The following DCBLD1 variants were observed in gnomAD, a reference collection of about 807,000 sequenced individuals.
DCBLD1 encodes the protein discoidin, CUB and LCCL domain containing 1, also known as discoidin, CUB and LCCL domain-containing protein 1.
DCBLD1 carries 57 observed loss-of-function variants against 71.5 expected under a neutral mutation model. The ratio of observed to expected loss-of-function variants is 0.80; its 90% CI spans 0.64 to 0.99. DCBLD1 has a LOEUF of 0.99. DCBLD1 is among the 50% of genes least tolerant of loss of function. DCBLD1 has a pLI of 0.00. For synonymous variants in DCBLD1, 380 were observed against 363.8 expected (o/e 1.04, Z -0.51); for missense variants, 891 against 923.5 (o/e 0.96, Z 0.46).
intron 5 of DCBLD1, among the ~76,000 whole-genome samples, chr6:117,531,079 T>G (rs984474876): frequency 1.1e-4 from 16 of 152,214 alleles, no homozygotes; most frequent in African/African-American, 3.4e-4. Context: ...AAATTGAATA[T>G]CACAAAATTC....
downstream of DCBLD1, among the ~76,000 whole-genome samples, chr6:117,552,210 CTA>C (rs1345625619): frequency 6.6e-6 from 1 of 152,150 alleles, no homozygotes; most frequent in African/African-American, 2.4e-5. Context: ...ATCTTTGTAA[CTA>C]TGTGATTACA....
chr6:117,569,031 T>C (rs564315645), intron 14 of DCBLD1, among the ~76,000 whole-genome samples: 3 of 152,352 alleles, frequency 2.0e-5, no homozygotes, highest in African/African-American at 7.2e-5. Flanking sequence ...CTCCTGAGTA[T>C]GAATCTCAAT....
In DCBLD1 at chr6:117,503,791, C is replaced by T. The variant is rs550021601; in HGVS notation, c.137C>T (p.Thr46Ile). ...ELGDGCGHLV[T>I]YQDSGTMTSK... ...GGTGATGGCTGTGGACACCTAGTGA[C>T]TTATCAGGATAGTGGCACAATGACA... The change falls in exon 2 of 15, where the codon ACT becomes ATT. Residue 46 changes from threonine to isoleucine, a missense_variant. Thr to Ile is a moderately conservative substitution (Grantham distance 89). Transcript: ENST00000338728. 2 of 1,614,058 alleles carry T rather than the reference C, an allele frequency of 1.2e-6. No homozygotes were observed. Among genetic ancestry groups the T allele is most frequent in the African/African-American group, 1.3e-5 (1 of 75,022 alleles).
chr6:117,541,559 A>G (rs1055873238), intron 11 of DCBLD1, among the ~76,000 whole-genome samples: 5 of 152,238 alleles, frequency 3.3e-5, no homozygotes, highest in African/African-American at 1.2e-4. Flanking sequence ...ACTTTTGTAT[A>G]CGGTTTGCAT....
intron 1 of DCBLD1, 66 bp downstream of exon 1, chr6:117,482,959 G>GGC: frequency 3.1e-6 from 2 of 635,180 alleles, no homozygotes; most frequent in South Asian, 1.0e-4. Flanking sequence ...GGGCTGCGGG[G>GGC]CGGGCCGGGC....
intron 5 of DCBLD1, among the ~76,000 whole-genome samples, chr6:117,526,263 G>A (rs531930302): frequency 2.3e-4 from 35 of 152,054 alleles, no homozygotes; most frequent in African/African-American, 7.7e-4. Flanking sequence ...TTTGCCTTTC[G>A]TTCCCCTTTT....
intron 14 of DCBLD1, among the ~76,000 whole-genome samples, chr6:117,547,073 G>A (rs1779289962): frequency 6.6e-6 from 1 of 152,090 alleles, no homozygotes. Flanking sequence ...TGACTTCTAT[G>A]TGCATTTCTC....
intron 5 of DCBLD1, among the ~76,000 whole-genome samples, chr6:117,531,059 T>C (rs534029140): frequency 6.6e-6 from 1 of 152,304 alleles, no homozygotes; most frequent in South Asian, 2.1e-4. Context: ...TTGGGAAATA[T>C]GAACTCTCTA....
rs138240393 is a variant in DCBLD1 at position 117,548,148 on chromosome 6, C to T, written c.1857C>T (p.Ser619=). 0.025 allele frequency: 39,053 copies of T among 1,550,090 alleles called. 575 individuals are homozygous for T. The highest frequency in any genetic ancestry group is 0.03 in the Non-Finnish European group (33,942 of 1,146,758). The change falls in exon 15 of 15, where the codon AGC becomes AGT. Residue 619 remains serine, a synonymous_variant. Coordinates refer to ENST00000338728, the MANE Select transcript of DCBLD1 (RefSeq NM_001366458.2). ...VLRAHTFSAQ[S]GYRVPGPQPG... is the part of the protein sequence containing the mutation. ...GCGCCCACACGTTCTCTGCGCAGAG[C>T]GGCTACCGCGTCCCAGGGCCCCAGC...
At chr6:117,538,881 C>T in intron 8 of DCBLD1, 46 bp downstream of exon 8, 1 of 1,557,448 alleles carries the variant, frequency 6.4e-7, no homozygotes. Context: ...AGTTTCATGA[C>T]TGTAAATGAC....
At position 117,548,278 on chromosome 6, in the gene DCBLD1, A is replaced by C; in HGVS notation, c.1987A>C (p.Arg663=). The C allele has an allele frequency of 6.4e-7, 1 of 1,550,628 alleles. No individual in the cohort carries two copies. ...GCCACACAGCGCACAGCCTGCGGAC[A>C]GGGGCTACGACCGGCCCAAAGCTGT... The part of the protein sequence containing the change: ...QRPHSAQPAD[R]GYDRPKAVSA... The change falls in exon 15 of 15, where the codon AGG becomes CGG. Residue 663 remains arginine (R), a synonymous_variant. Transcript: ENST00000338728.
Position 117,541,263 on chromosome 6 carries a change from G to A in DCBLD1, c.1357+238G>A, listed in dbSNP as rs141363540. Among the ~76,000 whole-genome samples, 525 of 151,746 alleles carry A rather than the reference G, an allele frequency of 3.5e-3. 1 individual carries two copies. The highest frequency in any genetic ancestry group is 0.011 in the African/African-American group (473 of 41,298). On this transcript the variant is annotated intron_variant, in intron 11 of 14. Transcript: ENST00000338728. The stretch of plus-strand genomic sequence containing the variant: ...TCAAACACTAGGTACATATTTTGTG[G>A]AAAAATAAAACATTAGCACATCCAT...
intron 5 of DCBLD1, 23 bp from the exon 6 acceptor site, chr6:117,532,237 A>G: frequency 1.9e-6 from 3 of 1,576,492 alleles, no homozygotes; most frequent in East Asian, 2.2e-5. Flanking sequence ...TAAGTTCTGC[A>G]TAATGATGTT....
chr6:117,498,747 C>A (rs2114403665), intron 1 of DCBLD1, among the ~76,000 whole-genome samples: 1 of 152,050 alleles, frequency 6.6e-6, no homozygotes, highest in East Asian at 1.9e-4. Context: ...TCTTTTTTGC[C>A]AGGTATTTTA....
chr6:117,487,049 A>G (rs1189054506), intron 1 of DCBLD1, among the ~76,000 whole-genome samples: 3 of 151,946 alleles, frequency 2.0e-5, no homozygotes, highest in Non-Finnish European at 4.4e-5. Flanking sequence ...TCCCCCTCCA[A>G]CCCAGCCCCA....
At chr6:117,492,718 A>T (rs1270369687) in intron 1 of DCBLD1, among the ~76,000 whole-genome samples, 1 of 152,190 alleles carries the variant, frequency 6.6e-6, no homozygotes, top group Non-Finnish European at 1.5e-5. Context: ...CTGGACTATG[A>T]TATGAGTTTT....
chr6:117,489,195 C>A (rs577837436), intron 1 of DCBLD1, among the ~76,000 whole-genome samples: 18 of 152,064 alleles, frequency 1.2e-4, no homozygotes, highest in Non-Finnish European at 2.4e-4. Context: ...AGGAAGCTTG[C>A]GGTCATGACA....
intron 14 of DCBLD1, chr6:117,560,207 A>G (rs897368485): frequency 4.2e-5 from 7 of 164,746 alleles, no homozygotes; most frequent in Non-Finnish European, 7.9e-5. Flanking sequence ...TCCTTTGCAC[A>G]GACTTTATGA....
At chr6:117,503,468 G>A (rs113420712) in intron 1 of DCBLD1, 5 of 333,668 alleles carry the variant, frequency 1.5e-5, no homozygotes, top group African/African-American at 4.3e-5. Context: ...AAGTTTGGAC[G>A]GGTGGAGAGA....
Sources: gnomAD v4.1 joint callset for allele counts (sites outside exome capture counted in the v4.1 genomes callset) on GRCh38, gnomAD v4.1.1 for gene constraint, MANE v1.5 for transcripts, NCBI Gene and HGNC (gene_info 2026-07-23, HGNC 2026-07-21) for gene names.